The following INSYN2B variants were observed in gnomAD, a reference collection of about 807,000 sequenced individuals.
INSYN2B encodes the protein protein INSYN2B.
A neutral mutation model predicts 41.2 loss-of-function variants in INSYN2B; 16 were observed. The observed-to-expected ratio is 0.39, with a 90% CI of 0.26 to 0.59. INSYN2B has a LOEUF of 0.59. Ranked by LOEUF, INSYN2B falls within the 20% of genes least tolerant of loss-of-function variation. INSYN2B has a pLI of 0.57. For synonymous variants in INSYN2B, 245 were observed against 244.4 expected (o/e 1.00, Z -0.02); for missense variants, 608 against 646.4 (o/e 0.94, Z 0.64).
At chr5:169,942,524 A>G (rs977619772) in intron 1 of INSYN2B, among the ~76,000 whole-genome samples, 12 of 152,188 alleles carry the variant, frequency 7.9e-5, no homozygotes, top group African/African-American at 2.9e-4. Flanking sequence ...ATTTGCAAGG[A>G]TCTATTTCCA....
At chr5:169,895,928 G>A (rs2113558000) in intron 1 of INSYN2B, among the ~76,000 whole-genome samples, 1 of 152,260 alleles carries the variant, frequency 6.6e-6, no homozygotes, top group South Asian at 2.1e-4. Flanking sequence ...CTATTTTCTG[G>A]CCTGGAGATG....
At chr5:169,965,083 G>A (rs998370316) in intron 1 of INSYN2B, among the ~76,000 whole-genome samples, 1 of 152,200 alleles carries the variant, frequency 6.6e-6, no homozygotes, top group Non-Finnish European at 1.5e-5. Flanking sequence ...TGTGCTAGGG[G>A]CCCATCATCC....
intron 1 of INSYN2B, among the ~76,000 whole-genome samples, chr5:169,919,515 G>C (rs1775057940): frequency 1.3e-5 from 2 of 152,144 alleles, no homozygotes; most frequent in African/African-American, 2.4e-5. Context: ...TCTACCATCT[G>C]GTTTTGTTTT....
intron 1 of INSYN2B, among the ~76,000 whole-genome samples, chr5:169,925,213 C>T (rs1171895489): frequency 6.6e-6 from 1 of 152,138 alleles, no homozygotes; most frequent in Non-Finnish European, 1.5e-5. Flanking sequence ...AGTCAGGCAG[C>T]CCTAGCTTAG....
chr5:169,879,137 G>A (rs1002835592), intron 3 of INSYN2B, among the ~76,000 whole-genome samples: 31 of 152,140 alleles, frequency 2.0e-4, no homozygotes, highest in Non-Finnish European at 8.8e-5. Context: ...CGTATGCATG[G>A]CTAATTTAGC....
At chr5:169,918,114 A>G (rs1704991845) in intron 1 of INSYN2B, among the ~76,000 whole-genome samples, 1 of 152,210 alleles carries the variant, frequency 6.6e-6, no homozygotes, top group Non-Finnish European at 1.5e-5. Context: ...AGAATTTGAA[A>G]GCTTAAAAAT....
At chr5:169,864,487 A>G in intron 3 of INSYN2B, 28 bp from the exon 4 acceptor site, 2 of 1,485,112 alleles carry the variant, frequency 1.3e-6, no homozygotes, top group Non-Finnish European at 1.8e-6. Flanking sequence ...GAAGGAAGGA[A>G]AGTGAATTCG....
At chr5:169,896,186 G>A (rs945444417) in intron 1 of INSYN2B, among the ~76,000 whole-genome samples, 4 of 152,096 alleles carry the variant, frequency 2.6e-5, no homozygotes, top group Non-Finnish European at 4.4e-5. Flanking sequence ...GTCGGGGGGC[G>A]GGGAGGCAGT....
intron 1 of INSYN2B, among the ~76,000 whole-genome samples, chr5:169,926,483 T>C (rs1775464786): frequency 6.6e-6 from 1 of 152,124 alleles, no homozygotes; most frequent in Admixed American, 6.5e-5. Context: ...TGAGCTCAGG[T>C]GGCCATGTTC....
intron 1 of INSYN2B, among the ~76,000 whole-genome samples, chr5:169,935,661 G>A (rs533616562): frequency 3.3e-5 from 5 of 152,276 alleles, no homozygotes; most frequent in South Asian, 4.1e-4. Context: ...GAACGTTGCC[G>A]ATGCGGTGAA....
intron 1 of INSYN2B, among the ~76,000 whole-genome samples, chr5:169,954,249 A>G (rs551328357): frequency 3.1e-4 from 47 of 152,256 alleles, no homozygotes; most frequent in Non-Finnish European, 5.3e-4. Context: ...ATCGCTGGAC[A>G]TTTTTGAAAA....
At position 169,953,573 on chromosome 5, in the gene INSYN2B, A is replaced by G. The variant is rs78896660; in HGVS notation, c.-919+26704T>C. On this transcript the variant is annotated intron_variant, in intron 1 of 3. Transcript: ENST00000377365. ...TCAGCTTTGCATTATTATTATTTGC[A>G]TTATTAATAGCATTAGACGAGGCTG... Among the ~76,000 whole-genome samples, 1,223 of 152,328 alleles carry G rather than the reference A, an allele frequency of 8.0e-3. 62 individuals are homozygous for G. The East Asian group carries it at 0.13, about 17-fold the overall frequency.
At chr5:169,933,623 G>T (rs1014369649) in intron 1 of INSYN2B, among the ~76,000 whole-genome samples, 12 of 152,200 alleles carry the variant, frequency 7.9e-5, no homozygotes, top group African/African-American at 2.6e-4. Flanking sequence ...CCTTCGTTCG[G>T]CCTCCTTCCT....
At chr5:169,868,856 T>G (rs1771764569) in intron 3 of INSYN2B, among the ~76,000 whole-genome samples, 1 of 152,164 alleles carries the variant, frequency 6.6e-6, no homozygotes, top group South Asian at 2.1e-4. Context: ...ACGGAAACTT[T>G]ATCTCACCAT....
At chr5:169,940,147 G>GTT (rs1338021050) in intron 1 of INSYN2B, among the ~76,000 whole-genome samples, 2 of 152,158 alleles carry the variant, frequency 1.3e-5, no homozygotes, top group Non-Finnish European at 2.9e-5. Context: ...TTCTTCCACA[G>GTT]TTTTCTGTGT....
intron 1 of INSYN2B, among the ~76,000 whole-genome samples, chr5:169,964,546 C>T (rs963775784): frequency 6.6e-5 from 10 of 152,240 alleles, no homozygotes; most frequent in East Asian, 3.9e-4. Flanking sequence ...CCAGCATCTC[C>T]GCCTGGAGGG....
In INSYN2B at chr5:169,882,825, C is replaced by T. The variant is rs534029058; in HGVS notation, c.1074G>A (p.Thr358=). 10 of 1,550,108 alleles carry T rather than the reference C, an allele frequency of 6.5e-6. No homozygotes were observed. The highest frequency in any genetic ancestry group is 3.6e-5 in the South Asian group (3 of 83,936). Residue 358 remains threonine (T), a synonymous_variant, in exon 2 of 4, where the codon ACG becomes ACA. Coordinates refer to ENST00000377365, the MANE Select transcript of INSYN2B (RefSeq NM_001129891.3). ...SKSAPGCQEQ[T]ANNPTESDTL... ...TGTCTGACTCGGTGGGGTTGTTTGC[C>T]GTCTGCTCCTGACACCCAGGGGCAG...
At chr5:169,870,613 A>G (rs542949856) in intron 3 of INSYN2B, among the ~76,000 whole-genome samples, 3 of 151,678 alleles carry the variant, frequency 2.0e-5, no homozygotes, top group South Asian at 4.2e-4. Context: ...AAATTTTATT[A>G]TTATTATACT....
chr5:169,892,672 C>T (rs1297017892), intron 1 of INSYN2B, among the ~76,000 whole-genome samples: 1 of 152,140 alleles, frequency 6.6e-6, no homozygotes, highest in Non-Finnish European at 1.5e-5. Context: ...CTACCATCTA[C>T]CTCTACCTCC....
Sources: gnomAD v4.1 joint callset for allele counts (sites outside exome capture counted in the v4.1 genomes callset) on GRCh38, gnomAD v4.1.1 for gene constraint, MANE v1.5 for transcripts, NCBI Gene and HGNC (gene_info 2026-07-23, HGNC 2026-07-21) for gene names.